The following GANC variants were observed in gnomAD, a reference collection of about 807,000 sequenced individuals.
GANC encodes the protein glucosidase alpha, neutral C, also known as neutral alpha-glucosidase C.
GANC carries 117 observed loss-of-function variants against 124.2 expected under a neutral mutation model. The observed-to-expected ratio is 0.94, with a 90% CI of 0.81 to 1.10. GANC has a LOEUF of 1.10. Ranked by LOEUF, GANC falls within the 50% of genes least tolerant of loss-of-function variation. GANC has a pLI of 0.00. For missense variants in GANC, 1,140 were observed against 1,095.0 expected, an observed-to-expected ratio of 1.04 and a Z score of -0.58; for synonymous variants, 377 against 376.8, an observed-to-expected ratio of 1.00 and a Z score of -0.01.
intron 6 of GANC, among the ~76,000 whole-genome samples, chr15:42,300,208 C>A (rs1309735433): frequency 1.3e-5 from 2 of 152,036 alleles, no homozygotes; most frequent in African/African-American, 4.8e-5. Context: ...TTTTTGCAAT[C>A]TACCCTAAGT....
rs773504077 is a variant in GANC, at chr15:42,273,263, T to G, written c.-1219T>G. ...GTGAAGTGAATACTCACCGACGGTATCGGAATGTGCCATTTGGACCGGTCG... is the reference window on the plus strand; with the variant it reads ...GTGAAGTGAATACTCACCGACGGTAGCGGAATGTGCCATTTGGACCGGTCG... On this transcript the variant is annotated 5_prime_UTR_variant, in exon 1 of 24. Transcript: ENST00000318010. 3 of 1,614,098 alleles carry G rather than the reference T, an allele frequency of 1.9e-6. No individual in the cohort carries two copies. The South Asian group carries it at 3.3e-5, about 18-fold the overall frequency.
intron 12 of GANC, 126 bp downstream of exon 12, chr15:42,326,550 A>G: frequency 6.8e-7 from 1 of 1,467,048 alleles, no homozygotes; most frequent in Non-Finnish European, 9.2e-7. Context: ...TAAGCATATA[A>G]TTTAATGAAG....
intron 9 of GANC, 67 bp from the exon 10 acceptor site, chr15:42,310,626 T>C (rs2052041669): frequency 1.3e-6 from 2 of 1,568,256 alleles, no homozygotes; most frequent in South Asian, 2.3e-5. Flanking sequence ...AGACTGTTAC[T>C]TATATGTGGC....
chr15:42,323,940 G>A (rs140938932), intron 11 of GANC, among the ~76,000 whole-genome samples: 88 of 152,324 alleles, frequency 5.8e-4, no homozygotes, highest in African/African-American at 2.1e-3. Flanking sequence ...TTGACAGCCA[G>A]GCATGTGAGG....
chr15:42,334,712 C>T (rs1189308474), intron 15 of GANC, among the ~76,000 whole-genome samples: 2 of 150,234 alleles, frequency 1.3e-5, no homozygotes, highest in Admixed American at 6.7e-5. Flanking sequence ...TTTTACTACT[C>T]AATAATAATA....
rs1470581690 is a variant in GANC, at chr15:42,353,300, T to A, written c.*1161T>A. The A allele has an allele frequency of 1.0e-6, 1 of 986,138 alleles. No homozygotes were observed. Among genetic ancestry groups the A allele is most frequent in the Non-Finnish European group, 1.2e-6 (1 of 830,194 alleles). 61.1% of individuals were successfully genotyped at this position (986,138 alleles called of 1,614,324 possible). ...TTAGCAACTTGCTAACGGCCACCTC[T>A]GTGCCTTCTGATCCCTGGGCGCCAA... On this transcript the variant is annotated 3_prime_UTR_variant, in exon 24 of 24. Coordinates refer to ENST00000318010, the MANE Select transcript of GANC (RefSeq NM_198141.3).
At chr15:42,290,525 A>C (rs2051831518) in intron 4 of GANC, among the ~76,000 whole-genome samples, 1 of 152,216 alleles carries the variant, frequency 6.6e-6, no homozygotes. Context: ...ATTGAATAGC[A>C]GGCTGAGTGC....
chr15:42,351,424 A>G lies in GANC; in HGVS notation c.2627A>G (p.His876Arg), dbSNP rs759280691. 3.1e-6 allele frequency: 5 copies of G among 1,610,330 alleles called. No homozygotes were observed. The South Asian group carries it at 5.5e-5, about 18-fold the overall frequency. Residue 876 changes from histidine (H) to arginine (R), a missense_variant, in exon 23 of 24, where the codon CAC becomes CGC. Coordinates refer to ENST00000318010, the MANE Select transcript of GANC (RefSeq NM_198141.3). ...AAGGAGCCATCTTCTGTGACTACCC[A>G]CTCATCTGGTGAGAAAGCAGTCCAT... The part of the protein sequence containing the change: ...FRKEPSSVTT[H>R]SSDGKDQPVA...
chr15:42,300,683 GAC>G (rs2141034736), intron 6 of GANC, among the ~76,000 whole-genome samples: 1 of 152,244 alleles, frequency 6.6e-6, no homozygotes, highest in Non-Finnish European at 1.5e-5. Context: ...CAATAGCAAA[GAC>G]ATGAAACCAA....
Position 42,353,237 on chromosome 15 carries a change from T to A in GANC, c.*1098T>A. On this transcript the variant is annotated 3_prime_UTR_variant, in exon 24 of 24. Transcript: ENST00000318010. ...TTTAGCAGCCTCGACTCCTCAGCAC[T>A]CCTCAGCACACACCTCTTCTTATCA... 3 of 985,912 alleles carry A rather than the reference T, an allele frequency of 3.0e-6. No individual in the cohort carries two copies. Among genetic ancestry groups the A allele is most frequent in the Non-Finnish European group, 3.6e-6 (3 of 829,986 alleles). The allele number at this position is 985,912 out of a possible 1,614,324, so 61.1% of individuals were successfully genotyped here.
intron 15 of GANC, among the ~76,000 whole-genome samples, chr15:42,335,226 G>A (rs2052275132): frequency 6.6e-6 from 1 of 151,886 alleles, no homozygotes; most frequent in South Asian, 2.1e-4. Flanking sequence ...ACAAAATACT[G>A]GCAGACTGAA....
chr15:42,343,834 C>T (rs529548112), intron 19 of GANC, among the ~76,000 whole-genome samples: 1 of 152,162 alleles, frequency 6.6e-6, no homozygotes, highest in Admixed American at 6.5e-5. Flanking sequence ...AGAGCTGGAG[C>T]AAAACTCAGG....
chr15:42,282,808 C>T (rs1002959350), intron 3 of GANC, among the ~76,000 whole-genome samples: 2 of 152,192 alleles, frequency 1.3e-5, no homozygotes, highest in African/African-American at 2.4e-5. Context: ...GTTTATTTCT[C>T]GCAGTTCTGA....
intron 21 of GANC, among the ~76,000 whole-genome samples, chr15:42,348,867 C>T (rs1461959621): frequency 6.6e-6 from 1 of 152,082 alleles, no homozygotes; most frequent in African/African-American, 2.4e-5. Context: ...GGCATGTCTT[C>T]TTGGGCCAAA....
rs2052453327 is a variant in GANC, at chr15:42,352,302, A to T, written c.*163A>T. ...TAATGAACAATAGATTTCATGTTTC[A>T]AAATTTCAGATTTTACATGTTAAGA... On this transcript the variant is annotated 3_prime_UTR_variant, in exon 24 of 24. Transcript: ENST00000318010. 1 of 1,423,912 alleles carries T rather than the reference A, an allele frequency of 7.0e-7. No homozygotes were observed. Among genetic ancestry groups the T allele is most frequent in the East Asian group, 2.6e-5 (1 of 38,890 alleles). 88.2% of individuals were successfully genotyped at this position (1,423,912 alleles called of 1,614,324 possible). A position where few individuals can be genotyped will look rare whatever the true frequency, so the allele number is the denominator to read the frequency against.
At chr15:42,283,811 G>A (rs867485208) in intron 3 of GANC, 73 of 702,450 alleles carry the variant, frequency 1.0e-4, no homozygotes, top group Admixed American at 3.0e-4. Context: ...TGCAGAAATG[G>A]CCAGGAACAG....
chr15:42,339,543 C>A, intron 16 of GANC, 126 bp from the exon 17 acceptor site: 1 of 1,152,516 alleles, frequency 8.7e-7, no homozygotes. Context: ...GAGGCCACGG[C>A]TTTATCCTGT....
Position 42,310,814 on chromosome 15 carries a change from C to T in GANC, c.1025C>T (p.Ser342Phe). Residue 342 changes from serine (S) to phenylalanine (F), a missense_variant, in exon 10 of 24, where the codon TCT (serine) becomes TTT (phenylalanine). Coordinates refer to ENST00000318010, the MANE Select transcript of GANC (RefSeq NM_198141.3). ...TTTCTGCTGACAGGACCTACACCTT[C>T]TGATGTCTTCAAACAGTACTCACAC... ...DVFLLTGPTPSDVFKQYSHLT... is the reference protein window; with the variant it reads ...DVFLLTGPTPFDVFKQYSHLT... The T allele has an allele frequency of 1.9e-6, 3 of 1,614,136 alleles. No individual in the cohort carries two copies. Among genetic ancestry groups the T allele is most frequent in the Non-Finnish European group, 2.5e-6 (3 of 1,179,936 alleles).
rs149470375 is a variant in GANC at position 42,339,666 on chromosome 15, C to T, written c.1844-3C>T. 170 of 1,609,016 alleles carry T rather than the reference C, an allele frequency of 1.1e-4. No individual in the cohort carries two copies. In the African/African-American group the frequency reaches 2.1e-3, roughly 20 times the overall value. ...GCCTCACTTGGCCTTCTTTTGCTTC[C>T]AGCTGACATAGGCGGGTTCATTGGG... On this transcript the variant is annotated splice_polypyrimidine_tract_variant and splice_region_variant and intron_variant, in intron 16 of 23. Transcript: ENST00000318010.
Sources: allele counts gnomAD v4.1 joint callset (sites outside exome capture counted in the v4.1 genomes callset), GRCh38; gene constraint gnomAD v4.1.1; transcripts MANE v1.5; gene names NCBI Gene and HGNC (gene_info 2026-07-23, HGNC 2026-07-21).